ADAM18: variants seen among roughly 807,000 people sequenced by gnomAD.
ADAM18 encodes the protein ADAM metallopeptidase domain 18.
A neutral mutation model predicts 94.4 loss-of-function variants in ADAM18; 117 were observed. That is an observed-to-expected ratio of 1.24 (90% CI 1.07 to 1.45). ADAM18 has a LOEUF of 1.45. ADAM18 is among the 40% of genes most tolerant of loss of function. The pLI, the probability that ADAM18 is intolerant of heterozygous loss-of-function variation, is 0.00. For synonymous variants in ADAM18, 327 were observed against 291.6 expected (o/e 1.12, Z -1.24); for missense variants, 936 against 880.0 (o/e 1.06, Z -0.81).
rs772129339 is a variant in ADAM18, at chr8:39,638,506, G to A, written c.869G>A (p.Gly290Asp). Residue 290 changes from glycine (G) to aspartate (D), a missense_variant, in exon 10 of 20, where the codon GGC becomes GAC. Physicochemically the swap from Gly to Asp is moderately conservative, Grantham distance 94 (BLOSUM62 -1). Coordinates refer to ENST00000265707, the MANE Select transcript of ADAM18 (RefSeq NM_014237.3). ...HPKYVGATFP[G>D]TVCNKSYDAG... is the part of the protein sequence containing the mutation. ...AAATATGTGGGAGCAACATTTCCTG[G>A]CACTGTATGCAATAAAAGCTATGAT... The A allele has an allele frequency of 3.8e-6, 6 of 1,569,416 alleles. No homozygotes were observed. The Admixed American group carries it at 8.9e-5, about 23-fold the overall frequency.
At chr8:39,630,705 G>C (rs1208656142) in intron 7 of ADAM18, among the ~76,000 whole-genome samples, 4 of 151,854 alleles carry the variant, frequency 2.6e-5, no homozygotes, top group Non-Finnish European at 5.9e-5. Flanking sequence ...CACCAATCTT[G>C]CTCATGTCTT....
In ADAM18 at chr8:39,663,870, T is replaced by A; in HGVS notation, c.1306T>A (p.Cys436Ser). Residue 436 changes from cysteine to serine, a missense_variant, in exon 13 of 20, where the codon TGT (cysteine) becomes AGT (serine). By Grantham distance (112) the Cys-to-Ser change is moderately radical (BLOSUM62 -1). Transcript: ENST00000265707. The stretch of plus-strand genomic sequence containing the variant: ...CTCAGTAAAATGTGGTTCTGGACCA[T>A]GTTGTACATCAAAGTGTGAGGTAAG... ...KGSVKCGSGP[C>S]CTSKCELSIA... is the part of the protein sequence containing the mutation. 6.2e-7 allele frequency: 1 copy of A among 1,611,016 alleles called. No homozygotes were observed. Among genetic ancestry groups the A allele is most frequent in the Non-Finnish European group, 8.5e-7 (1 of 1,179,064 alleles).
In ADAM18 at chr8:39,599,890, A is replaced by T. The variant is rs563120432; in HGVS notation, c.133-6417A>T. Among the ~76,000 whole-genome samples, 17 of 150,830 alleles carry T rather than the reference A, an allele frequency of 1.1e-4. No homozygotes were observed. The East Asian group carries it at 1.5e-3, about 14-fold the overall frequency. On this transcript the variant is annotated intron_variant, in intron 2 of 19. Transcript: ENST00000265707. ...TTAAAAAATTTGTGTTTTTTTTTTTAAATTCTGCCTACCAGTTATTCCTTT... is the reference window on the plus strand; with the variant it reads ...TTAAAAAATTTGTGTTTTTTTTTTTTAATTCTGCCTACCAGTTATTCCTTT...
At chr8:39,624,074 T>C (rs562798330) in intron 6 of ADAM18, among the ~76,000 whole-genome samples, 2 of 152,278 alleles carry the variant, frequency 1.3e-5, no homozygotes, top group South Asian at 4.1e-4. Context: ...AGATGCATGG[T>C]TTACAAATAT....
chr8:39,679,293 C>T (rs1183168164), intron 15 of ADAM18, among the ~76,000 whole-genome samples: 1 of 152,042 alleles, frequency 6.6e-6, no homozygotes, highest in Non-Finnish European at 1.5e-5. Context: ...TGATTATTCT[C>T]ATTGAGGATG....
chr8:39,610,390 AT>A (rs1193418565), intron 5 of ADAM18, 138 bp from the exon 6 acceptor site: 7 of 1,158,650 alleles, frequency 6.0e-6, no homozygotes, highest in South Asian at 5.3e-5. Context: ...CCCCCAAAAA[AT>A]AATGGAAAAA....
At chr8:39,600,239 C>A (rs1818863395) in intron 2 of ADAM18, among the ~76,000 whole-genome samples, 1 of 152,072 alleles carries the variant, frequency 6.6e-6, no homozygotes, top group East Asian at 1.9e-4. Flanking sequence ...TGGATTATGG[C>A]TTTAATCATC....
chr8:39,622,562 T>C (rs1265440341), intron 6 of ADAM18, among the ~76,000 whole-genome samples: 1 of 151,902 alleles, frequency 6.6e-6, no homozygotes, highest in African/African-American at 2.4e-5. Flanking sequence ...TTTTTAATCA[T>C]TGAGAATTTG....
chr8:39,633,149 T>A lies in ADAM18; in HGVS notation c.588+3710T>A, dbSNP rs141215280. Among the ~76,000 whole-genome samples, 378 of 152,322 alleles carry A rather than the reference T, an allele frequency of 2.5e-3. 2 individuals carry two copies. The highest frequency in any genetic ancestry group is 4.4e-3 in the Non-Finnish European group (296 of 68,022). On this transcript the variant is annotated intron_variant, in intron 7 of 19. Transcript: ENST00000265707. ...TGTGAGACTTCTCAGCCTCTAGGACTATGAACAATAAATTTGTGTTCTTTA... is the reference window on the plus strand; with the variant it reads ...TGTGAGACTTCTCAGCCTCTAGGACAATGAACAATAAATTTGTGTTCTTTA...
At chr8:39,624,896 C>T (rs1241913189) in intron 6 of ADAM18, among the ~76,000 whole-genome samples, 1 of 152,202 alleles carries the variant, frequency 6.6e-6, no homozygotes, top group Admixed American at 6.5e-5. Context: ...TTCCCAGAAG[C>T]TGTCATGCTT....
chr8:39,713,522 A>C (rs1822479042), intron 18 of ADAM18, among the ~76,000 whole-genome samples: 1 of 152,200 alleles, frequency 6.6e-6, no homozygotes, highest in Non-Finnish European at 1.5e-5. Flanking sequence ...AATGGGAGGA[A>C]ATTTTTGCAG....
intron 17 of ADAM18, among the ~76,000 whole-genome samples, chr8:39,696,572 A>T (rs1821933627): frequency 6.6e-6 from 1 of 151,464 alleles, no homozygotes; most frequent in Non-Finnish European, 1.5e-5. Context: ...TAAGAGTCTA[A>T]CTATATTTTT....
chr8:39,587,715 G>C (rs541860497), intron 2 of ADAM18, among the ~76,000 whole-genome samples: 1 of 152,104 alleles, frequency 6.6e-6, no homozygotes, highest in Non-Finnish European at 1.5e-5. Context: ...CAAAGTGCTG[G>C]CATTACAGGC....
rs1823027034 is a variant in ADAM18 at position 39,729,956 on chromosome 8, C to G, written c.*16C>G. On this transcript the variant is annotated 3_prime_UTR_variant, in exon 20 of 20. Coordinates refer to ENST00000265707, the MANE Select transcript of ADAM18 (RefSeq NM_014237.3). ...GGGACATTAATATTGCACAGAACTT[C>G]CATAGCAAATAACCTAAAGGAACGA... is the stretch of plus-strand genomic sequence containing the variant. 1.2e-6 allele frequency: 2 copies of G among 1,607,198 alleles called. No homozygotes were observed. The highest frequency in any genetic ancestry group is 1.7e-6 in the Non-Finnish European group (2 of 1,173,740).
intron 9 of ADAM18, 63 bp from the exon 10 acceptor site, chr8:39,638,402 T>A: frequency 8.7e-7 from 1 of 1,155,598 alleles, no homozygotes; most frequent in Non-Finnish European, 1.2e-6. Context: ...AAGGTTTAAT[T>A]TAATACATAA....
chr8:39,707,120 T>C (rs1822263039), intron 18 of ADAM18, among the ~76,000 whole-genome samples: 1 of 152,214 alleles, frequency 6.6e-6, no homozygotes, highest in Admixed American at 6.5e-5. Flanking sequence ...TATACATATC[T>C]ATGATAAAGA....
intron 18 of ADAM18, among the ~76,000 whole-genome samples, chr8:39,708,275 A>G (rs1384600991): frequency 6.6e-6 from 1 of 152,230 alleles, no homozygotes; most frequent in Non-Finnish European, 1.5e-5. Context: ...AGATATTCTC[A>G]GAGATATTCA....
At chr8:39,721,729 T>G (rs1384169400) in intron 18 of ADAM18, among the ~76,000 whole-genome samples, 2 of 151,302 alleles carry the variant, frequency 1.3e-5, no homozygotes. Flanking sequence ...TCAGGATGGT[T>G]AGTATTCAAA....
chr8:39,660,936 T>C (rs1220358424), intron 12 of ADAM18, among the ~76,000 whole-genome samples: 1 of 152,090 alleles, frequency 6.6e-6, no homozygotes, highest in African/African-American at 2.4e-5. Flanking sequence ...TCAGTTCAGG[T>C]CTGAGAAGTT....
Sources: gnomAD v4.1 joint callset for allele counts (sites outside exome capture counted in the v4.1 genomes callset) on GRCh38, gnomAD v4.1.1 for gene constraint, MANE v1.5 for transcripts, NCBI Gene and HGNC (gene_info 2026-07-23, HGNC 2026-07-21) for gene names.